The following RCSD1 variants were observed in gnomAD, a reference collection of about 807,000 sequenced individuals.
RCSD1 encodes the protein RCSD domain containing 1.
In RCSD1, 26 loss-of-function variants were observed where a neutral mutation model predicts 42.5. That is an observed-to-expected ratio of 0.61 (90% CI 0.45 to 0.85). The LOEUF (loss-of-function observed/expected upper bound fraction) is 0.85. Among genes scored for constraint, RCSD1 ranks in the 40% least tolerant of loss-of-function variants. RCSD1 has a pLI of 0.00. For missense variants in RCSD1, 571 were observed against 528.3 expected (o/e 1.08, Z -0.79); for synonymous variants, 220 against 212.2 (o/e 1.04, Z -0.32).
chr1:167,679,923 G>A (rs1659040324), intron 1 of RCSD1, among the ~76,000 whole-genome samples: 1 of 152,124 alleles, frequency 6.6e-6, no homozygotes, highest in African/African-American at 2.4e-5. Context: ...AACAGCGGAG[G>A]GGAAGTTCCA....
chr1:167,638,753 C>T (rs991238294), intron 1 of RCSD1, among the ~76,000 whole-genome samples: 1 of 152,220 alleles, frequency 6.6e-6, no homozygotes, highest in African/African-American at 2.4e-5. Flanking sequence ...ACACCTAAAG[C>T]AAAACAGGAA....
At chr1:167,670,795 A>G (rs1558083479) in intron 1 of RCSD1, among the ~76,000 whole-genome samples, 1 of 152,096 alleles carries the variant, frequency 6.6e-6, no homozygotes, top group East Asian at 1.9e-4. Context: ...TCTGGGCATC[A>G]TCTTGACTCC....
intron 1 of RCSD1, among the ~76,000 whole-genome samples, chr1:167,672,134 A>C (rs978882653): frequency 2.6e-5 from 4 of 152,122 alleles, no homozygotes; most frequent in Non-Finnish European, 5.9e-5. Flanking sequence ...GCAGAGGTGG[A>C]GGCTGACACT....
At chr1:167,632,381 C>A (rs970836516) in intron 1 of RCSD1, among the ~76,000 whole-genome samples, 10 of 152,172 alleles carry the variant, frequency 6.6e-5, no homozygotes, top group Admixed American at 1.3e-4. Context: ...GGGCCAAATG[C>A]AAGTGTCAAC....
chr1:167,635,688 G>A (rs1169626882), intron 1 of RCSD1, among the ~76,000 whole-genome samples: 1 of 152,164 alleles, frequency 6.6e-6, no homozygotes, highest in East Asian at 1.9e-4. Flanking sequence ...TTAAGTCTGT[G>A]GAGCCAGCCT....
At chr1:167,674,794 T>C (rs993994137) in intron 1 of RCSD1, among the ~76,000 whole-genome samples, 1 of 152,262 alleles carries the variant, frequency 6.6e-6, no homozygotes, top group African/African-American at 2.4e-5. Flanking sequence ...ATTTACTATG[T>C]ATTAGAGCTT....
Position 167,657,792 on chromosome 1 carries a change from T to C in RCSD1, c.7-26108T>C, listed in dbSNP as rs1179115138. Among the ~76,000 whole-genome samples, 6 of 152,266 alleles carry C rather than the reference T, an allele frequency of 3.9e-5. No individual in the cohort carries two copies. In the East Asian group the frequency reaches 9.6e-4, roughly 24 times the overall value. On this transcript the variant is annotated intron_variant, in intron 1 of 6. Coordinates refer to ENST00000367854, the MANE Select transcript of RCSD1 (RefSeq NM_052862.4). ...TTTCAGCATTAAAATTTTTTTTCTT[T>C]ATTTGATGTTTTCCATATTATATAT...
intron 1 of RCSD1, among the ~76,000 whole-genome samples, chr1:167,678,054 C>T (rs951242873): frequency 6.6e-6 from 1 of 152,184 alleles, no homozygotes; most frequent in African/African-American, 2.4e-5. Flanking sequence ...CACCAAAATG[C>T]CCTCCAGGCT....
intron 1 of RCSD1, among the ~76,000 whole-genome samples, chr1:167,668,997 G>C (rs1317019537): frequency 6.6e-6 from 1 of 152,202 alleles, no homozygotes; most frequent in Non-Finnish European, 1.5e-5. Flanking sequence ...ACTTAAGCTT[G>C]TGTTCTTCTG....
intron 1 of RCSD1, among the ~76,000 whole-genome samples, chr1:167,651,218 AC>A (rs1489126101): frequency 6.6e-6 from 1 of 152,210 alleles, no homozygotes; most frequent in African/African-American, 2.4e-5. Flanking sequence ...ATTTCAGGAG[AC>A]AGTTCAGCCC....
At chr1:167,664,967 G>A (rs1658620056) in intron 1 of RCSD1, 2 of 151,838 alleles carry the variant, frequency 1.3e-5, no homozygotes, top group African/African-American at 4.8e-5. Context: ...GAACTCAGGA[G>A]GTGAAGGTTG....
intron 4 of RCSD1, among the ~76,000 whole-genome samples, chr1:167,692,780 A>G (rs1412530145): frequency 6.6e-6 from 1 of 152,206 alleles, no homozygotes; most frequent in East Asian, 1.9e-4. Context: ...TTAAGATCAC[A>G]ATGAAAACAC....
intron 3 of RCSD1, among the ~76,000 whole-genome samples, chr1:167,687,406 C>A (rs1659261369): frequency 6.6e-6 from 1 of 152,010 alleles, no homozygotes; most frequent in South Asian, 2.1e-4. Flanking sequence ...GCCTGTAGTC[C>A]CAGCTACTCG....
chr1:167,676,916 C>T (rs979555567), intron 1 of RCSD1, among the ~76,000 whole-genome samples: 4 of 152,334 alleles, frequency 2.6e-5, no homozygotes, highest in Middle Eastern at 3.4e-3. Flanking sequence ...AGGTTCCAAA[C>T]AGGGACACAC....
chr1:167,706,274 A>T lies in RCSD1; in HGVS notation c.*1578A>T, dbSNP rs1411282734. Reference sequence around the variant, plus strand: ...AGATGTGTGTGTCAATTATTTTGAGATCTATAAACTTGTCTGTCTATCTAT... The same window carrying T: ...AGATGTGTGTGTCAATTATTTTGAGTTCTATAAACTTGTCTGTCTATCTAT... On this transcript the variant is annotated 3_prime_UTR_variant, in exon 7 of 7. Transcript: ENST00000367854. The T allele has an allele frequency of 6.6e-6, 1 of 152,182 alleles. No individual in the cohort carries two copies. Among genetic ancestry groups the T allele is most frequent in the East Asian group, 1.9e-4 (1 of 5,194 alleles). The allele number at this position is 152,182 out of a possible 1,614,324, so 9.4% of individuals were successfully genotyped here. A position where few individuals can be genotyped will look rare whatever the true frequency, so the allele number is the denominator to read the frequency against.
chr1:167,674,561 A>G (rs1402748222), intron 1 of RCSD1, among the ~76,000 whole-genome samples: 2 of 152,230 alleles, frequency 1.3e-5, no homozygotes, highest in East Asian at 1.9e-4. Context: ...CCACCACCAC[A>G]GTCAATTTTA....
At chr1:167,695,337 T>C (rs1659472481) in intron 5 of RCSD1, among the ~76,000 whole-genome samples, 1 of 152,206 alleles carries the variant, frequency 6.6e-6, no homozygotes, top group Admixed American at 6.5e-5. Context: ...AGGAAGTTAT[T>C]TTGGAACCCT....
intron 1 of RCSD1, among the ~76,000 whole-genome samples, chr1:167,652,224 G>T (rs1658330480): frequency 6.6e-6 from 1 of 152,068 alleles, no homozygotes; most frequent in Non-Finnish European, 1.5e-5. Flanking sequence ...GTTTCACCAT[G>T]TTGGCCAGAG....
chr1:167,646,842 A>T (rs1658161243), intron 1 of RCSD1, among the ~76,000 whole-genome samples: 1 of 152,224 alleles, frequency 6.6e-6, no homozygotes, highest in Non-Finnish European at 1.5e-5. Flanking sequence ...GTAGAGAAGC[A>T]GGTAGAGGCC....
Sources: gnomAD v4.1 joint callset for allele counts (sites outside exome capture counted in the v4.1 genomes callset) on GRCh38, gnomAD v4.1.1 for gene constraint, MANE v1.5 for transcripts, NCBI Gene and HGNC (gene_info 2026-07-23, HGNC 2026-07-21) for gene names.